B3GALT1: variants seen among roughly 807,000 people sequenced by gnomAD.
The protein encoded by B3GALT1 is beta-1,3-galactosyltransferase 1.
A neutral mutation model predicts 23.2 loss-of-function variants in B3GALT1; 10 were observed. The ratio of observed to expected loss-of-function variants is 0.43; its 90% CI spans 0.27 to 0.73. The LOEUF (loss-of-function observed/expected upper bound fraction) is 0.73. Ranked by LOEUF, B3GALT1 falls within the 30% of genes least tolerant of loss-of-function variation. The probability of loss-of-function intolerance (pLI) is 0.21; values close to 1 mark genes in which losing one functional copy is unlikely to be tolerated. For missense variants in B3GALT1, 299 were observed against 405.4 expected, an observed-to-expected ratio of 0.74 and a Z score of 2.25; for synonymous variants, 156 against 141.5, an observed-to-expected ratio of 1.10 and a Z score of -0.73.
At chr2:167,836,053 A>G (rs1373809355) in intron 4 of B3GALT1, among the ~76,000 whole-genome samples, 1 of 152,210 alleles carries the variant, frequency 6.6e-6, no homozygotes, top group Non-Finnish European at 1.5e-5. Flanking sequence ...ATCAAAGACC[A>G]AAAGTAGATA....
intron 2 of B3GALT1, among the ~76,000 whole-genome samples, chr2:167,519,467 C>T (rs1039985363): frequency 2.0e-5 from 3 of 152,068 alleles, no homozygotes; most frequent in African/African-American, 7.2e-5. Flanking sequence ...CTTTGCTCAT[C>T]AACATGGATT....
chr2:167,380,079 A>G (rs2105275494), intron 1 of B3GALT1, among the ~76,000 whole-genome samples: 1 of 152,296 alleles, frequency 6.6e-6, no homozygotes, highest in South Asian at 2.1e-4. Context: ...ATCTATGTCC[A>G]GGAAGAGTAG....
chr2:167,445,797 T>A (rs1304984565), intron 1 of B3GALT1, among the ~76,000 whole-genome samples: 1 of 152,218 alleles, frequency 6.6e-6, no homozygotes, highest in Non-Finnish European at 1.5e-5. Context: ...AGCACACTGA[T>A]GGGTCTTGAC....
At chr2:167,472,622 G>C (rs535040083) in intron 1 of B3GALT1, among the ~76,000 whole-genome samples, 2 of 152,204 alleles carry the variant, frequency 1.3e-5, no homozygotes, top group East Asian at 3.9e-4. Context: ...CTACCAAATT[G>C]TCACTGTTGT....
chr2:167,538,513 T>C (rs1683470179), intron 2 of B3GALT1, among the ~76,000 whole-genome samples: 1 of 152,178 alleles, frequency 6.6e-6, no homozygotes, highest in South Asian at 2.1e-4. Context: ...CTGTAAGTAT[T>C]GTTTCACCTT....
At chr2:167,640,321 C>T (rs1339029127) in intron 2 of B3GALT1, among the ~76,000 whole-genome samples, 1 of 152,078 alleles carries the variant, frequency 6.6e-6, no homozygotes, top group Non-Finnish European at 1.5e-5. Context: ...GAGCCACCCC[C>T]ATGCAATGGA....
At chr2:167,576,143 C>T (rs758464104) in intron 2 of B3GALT1, among the ~76,000 whole-genome samples, 1 of 151,746 alleles carries the variant, frequency 6.6e-6, no homozygotes, top group Non-Finnish European at 1.5e-5. Context: ...GTGATTTTTG[C>T]AAGTTGTCCA....
chr2:167,639,365 A>G (rs76600205), intron 2 of B3GALT1, among the ~76,000 whole-genome samples: 1,901 of 152,078 alleles, frequency 0.013, 65 homozygotes, highest in East Asian at 0.069. Flanking sequence ...TCTACATTTT[A>G]GTAATGAGTT....
intron 4 of B3GALT1, among the ~76,000 whole-genome samples, chr2:167,867,128 G>T (rs546460558): frequency 4.6e-5 from 7 of 152,082 alleles, no homozygotes; most frequent in South Asian, 2.1e-4. Flanking sequence ...GGGTTTCACC[G>T]TTTTAGCCAG....
chr2:167,800,175 C>T (rs767382700), intron 3 of B3GALT1, among the ~76,000 whole-genome samples: 8 of 152,106 alleles, frequency 5.3e-5, no homozygotes, highest in Non-Finnish European at 8.8e-5. Context: ...TAATGCAGTC[C>T]AATTAAACTT....
At chr2:167,514,926 G>A (rs983878872) in intron 2 of B3GALT1, among the ~76,000 whole-genome samples, 3 of 151,924 alleles carry the variant, frequency 2.0e-5, no homozygotes, top group Non-Finnish European at 4.4e-5. Context: ...TAGGTAATAG[G>A]AACTGGTTAA....
chr2:167,431,845 T>TAGA (rs1248721954), intron 1 of B3GALT1, among the ~76,000 whole-genome samples: 1 of 152,158 alleles, frequency 6.6e-6, no homozygotes, highest in Non-Finnish European at 1.5e-5. Context: ...CCCCCTCTAT[T>TAGA]CTAAGAAAAA....
intron 1 of B3GALT1, among the ~76,000 whole-genome samples, chr2:167,295,575 C>T (rs886988175): frequency 6.6e-6 from 1 of 152,116 alleles, no homozygotes; most frequent in African/African-American, 2.4e-5. Flanking sequence ...TCAATTAAAA[C>T]TAAGCTATCA....
chr2:167,328,480 G>A (rs1696928547), intron 1 of B3GALT1, among the ~76,000 whole-genome samples: 1 of 152,068 alleles, frequency 6.6e-6, no homozygotes, highest in Admixed American at 6.5e-5. Flanking sequence ...ATTTCCTCTA[G>A]GTTGTCCAGT....
At chr2:167,652,175 A>G (rs988175571) in intron 3 of B3GALT1, among the ~76,000 whole-genome samples, 2 of 152,218 alleles carry the variant, frequency 1.3e-5, no homozygotes, top group African/African-American at 4.8e-5. Context: ...CAAGAGTGAG[A>G]TAATCTACCA....
rs73024062 is a variant in B3GALT1 at position 167,513,091 on chromosome 2, A to G, written c.-410+22814A>G. 3.1e-3 allele frequency among the ~76,000 whole-genome samples: 454 copies of G among 146,234 alleles called. 2 individuals carry two copies. The highest frequency in any genetic ancestry group is 0.011 in the African/African-American group (445 of 39,130). ...CACAAAAAAAAAAAAAAAAAAAAAA[A>G]GTGGAATCACTCAAACCTCTAGATC... On this transcript the variant is annotated intron_variant, in intron 2 of 4. Transcript: ENST00000392690.
At chr2:167,445,902 C>A (rs1294651390) in intron 1 of B3GALT1, among the ~76,000 whole-genome samples, 1 of 152,144 alleles carries the variant, frequency 6.6e-6, no homozygotes, top group African/African-American at 2.4e-5. Context: ...TTGATCCTGT[C>A]ATTATGATGT....
chr2:167,380,111 A>T (rs1697826552), intron 1 of B3GALT1, among the ~76,000 whole-genome samples: 2 of 152,184 alleles, frequency 1.3e-5, no homozygotes, highest in South Asian at 4.1e-4. Context: ...TTGCTGATCC[A>T]GATAAGCTGT....
intron 1 of B3GALT1, among the ~76,000 whole-genome samples, chr2:167,388,035 G>A (rs1017335592): frequency 2.6e-5 from 4 of 152,104 alleles, no homozygotes; most frequent in Non-Finnish European, 5.9e-5. Flanking sequence ...TTTGAATAGC[G>A]GGTGGCATTG....
Sources: gnomAD v4.1 joint callset for allele counts (sites outside exome capture counted in the v4.1 genomes callset) on GRCh38, gnomAD v4.1.1 for gene constraint, MANE v1.5 for transcripts, NCBI Gene and HGNC (gene_info 2026-07-23, HGNC 2026-07-21) for gene names.